The following GHR variants were observed in gnomAD, a reference collection of about 807,000 sequenced individuals.
GHR encodes the protein GH receptor.
A neutral mutation model predicts 67.1 loss-of-function variants in GHR; 35 were observed. The observed-to-expected ratio is 0.52, with a 90% CI of 0.40 to 0.69. GHR has a LOEUF of 0.69. Ranked by LOEUF, GHR falls within the 30% of genes least tolerant of loss-of-function variation. GHR has a pLI of 0.00. For missense variants in GHR, 792 were observed against 764.6 expected (o/e 1.04, Z -0.42); for synonymous variants, 272 against 269.1 (o/e 1.01, Z -0.10).
At chr5:42,534,736 G>A (rs748877929) in intron 1 of GHR, among the ~76,000 whole-genome samples, 7 of 151,940 alleles carry the variant, frequency 4.6e-5, no homozygotes, top group Non-Finnish European at 7.4e-5. Context: ...GAATCTCCAC[G>A]CTCTTTTCCA....
intron 6 of GHR, among the ~76,000 whole-genome samples, chr5:42,704,281 A>G (rs886861642): frequency 1.7e-4 from 26 of 151,946 alleles, no homozygotes; most frequent in African/African-American, 6.3e-4. Context: ...TTGAATTTTG[A>G]CAAGTGCTTC....
At chr5:42,708,392 C>T (rs1758285282) in intron 6 of GHR, among the ~76,000 whole-genome samples, 1 of 152,056 alleles carries the variant, frequency 6.6e-6, no homozygotes, top group South Asian at 2.1e-4. Flanking sequence ...AAATGTAAAA[C>T]AGTATCACTC....
chr5:42,681,799 A>G (rs1756892302), intron 3 of GHR, among the ~76,000 whole-genome samples: 1 of 151,672 alleles, frequency 6.6e-6, no homozygotes, highest in South Asian at 2.1e-4. Flanking sequence ...AGGCAGGCGC[A>G]GTGGCGGGCG....
chr5:42,611,658 A>C (rs748840270), intron 2 of GHR, among the ~76,000 whole-genome samples: 5 of 152,198 alleles, frequency 3.3e-5, no homozygotes, highest in Non-Finnish European at 7.3e-5. Flanking sequence ...TGACAGTGTC[A>C]AAAGTAAACA....
At chr5:42,715,103 A>G (rs766022961) in intron 8 of GHR, 2 of 365,778 alleles carry the variant, frequency 5.5e-6, no homozygotes, top group South Asian at 2.1e-5. Flanking sequence ...ATGCTTAACT[A>G]TAATGTTTAG....
At chr5:42,433,052 T>G (rs1487704124) in intron 1 of GHR, among the ~76,000 whole-genome samples, 2 of 152,238 alleles carry the variant, frequency 1.3e-5, no homozygotes, top group Non-Finnish European at 2.9e-5. Context: ...TCAAACTTCA[T>G]GACCTGCTTT....
At chr5:42,659,407 T>C (rs1265183792) in intron 3 of GHR, 1 of 152,176 alleles carries the variant, frequency 6.6e-6, no homozygotes, top group Non-Finnish European at 1.5e-5. Flanking sequence ...TATTAGAAAC[T>C]CTGCACAAGA....
At position 42,565,867 on chromosome 5, in the gene GHR, C is replaced by CT. The variant is rs747188385; in HGVS notation, c.-7dup. ...CTTACCCTTTTTGTGATTGCAGGTC[C>CT]TACAGGTATGGATCTCTGGCAGCTG... On this transcript the variant is annotated 5_prime_UTR_variant, in exon 2 of 10. Transcript: ENST00000230882. 6.2e-7 allele frequency: 1 copy of CT among 1,613,942 alleles called. No individual in the cohort carries two copies. The highest frequency in any genetic ancestry group is 1.1e-5 in the South Asian group (1 of 91,076).
chr5:42,603,174 T>C (rs1410761928), intron 2 of GHR, among the ~76,000 whole-genome samples: 1 of 152,046 alleles, frequency 6.6e-6, no homozygotes, highest in Non-Finnish European at 1.5e-5. Flanking sequence ...ACTTGGAATA[T>C]ATCATTCAAC....
At chr5:42,440,587 A>G (rs926674822) in intron 1 of GHR, among the ~76,000 whole-genome samples, 6 of 152,192 alleles carry the variant, frequency 3.9e-5, no homozygotes, top group Non-Finnish European at 7.3e-5. Flanking sequence ...ATAGAAAACC[A>G]TTGAAGGGTT....
intron 1 of GHR, among the ~76,000 whole-genome samples, chr5:42,489,352 G>T (rs1746015870): frequency 6.6e-6 from 1 of 152,068 alleles, no homozygotes; most frequent in Admixed American, 6.5e-5. Flanking sequence ...ATGATAGTGT[G>T]CTAGGTGTAA....
intron 2 of GHR, among the ~76,000 whole-genome samples, chr5:42,576,116 A>AT (rs1750704062): frequency 9.8e-6 from 1 of 102,174 alleles, no homozygotes; most frequent in African/African-American, 4.7e-5. Flanking sequence ...AATAAAATAA[A>AT]ATAAAATAAA....
intron 1 of GHR, among the ~76,000 whole-genome samples, chr5:42,433,924 T>C (rs548144998): frequency 1.7e-3 from 261 of 152,142 alleles, no homozygotes; most frequent in African/African-American, 6.2e-3. Flanking sequence ...TTATGGTCGC[T>C]GCATATAGGC....
At chr5:42,624,757 T>A (rs1753619207) in intron 2 of GHR, among the ~76,000 whole-genome samples, 1 of 152,232 alleles carries the variant, frequency 6.6e-6, no homozygotes, top group South Asian at 2.1e-4. Flanking sequence ...TGACCAAAGG[T>A]CCTCTTTTAG....
At chr5:42,495,311 C>T (rs1161691495) in intron 1 of GHR, among the ~76,000 whole-genome samples, 2 of 151,962 alleles carry the variant, frequency 1.3e-5, no homozygotes. Context: ...AAGCAATAGA[C>T]TCCTTTGAGA....
At chr5:42,582,922 C>G (rs1252750939) in intron 2 of GHR, among the ~76,000 whole-genome samples, 1 of 152,216 alleles carries the variant, frequency 6.6e-6, no homozygotes, top group Admixed American at 6.5e-5. Flanking sequence ...AGTGGCTGAA[C>G]CCCATGCTTA....
chr5:42,533,504 A>G (rs1163658805), intron 1 of GHR, among the ~76,000 whole-genome samples: 1 of 151,944 alleles, frequency 6.6e-6, no homozygotes, highest in Non-Finnish European at 1.5e-5. Context: ...GATTTTGAGA[A>G]TTGCTCAAGA....
chr5:42,569,691 AT>A (rs1750165861), intron 2 of GHR, among the ~76,000 whole-genome samples: 1 of 152,094 alleles, frequency 6.6e-6, no homozygotes, highest in Admixed American at 6.6e-5. Flanking sequence ...ACATATTTAT[AT>A]TTGTATGTGT....
At chr5:42,655,835 T>G (rs888564579) in intron 3 of GHR, among the ~76,000 whole-genome samples, 9 of 152,026 alleles carry the variant, frequency 5.9e-5, no homozygotes, top group African/African-American at 2.2e-4. Context: ...AAATAGTCTT[T>G]GGGATAATTT....
Sources: gnomAD v4.1 joint callset for allele counts (sites outside exome capture counted in the v4.1 genomes callset) on GRCh38, gnomAD v4.1.1 for gene constraint, MANE v1.5 for transcripts, NCBI Gene and HGNC (gene_info 2026-07-23, HGNC 2026-07-21) for gene names.